SLC2A9: variants seen among roughly 807,000 people sequenced by gnomAD.
SLC2A9 encodes the protein solute carrier family 2, facilitated glucose transporter member 9.
In SLC2A9, 39 loss-of-function variants were observed where a neutral mutation model predicts 50.6. The ratio of observed to expected loss-of-function variants is 0.77; its 90% CI spans 0.60 to 1.01. SLC2A9 has a LOEUF of 1.01. Ranked by LOEUF, SLC2A9 falls within the 50% of genes least tolerant of loss-of-function variation. The probability of loss-of-function intolerance (pLI) is 0.00; values close to 1 mark genes in which losing one functional copy is unlikely to be tolerated. For missense variants in SLC2A9, 686 were observed against 677.6 expected (o/e 1.01, Z -0.14); for synonymous variants, 324 against 276.9 (o/e 1.17, Z -1.69).
At chr4:9,787,957 T>C (rs1719439753) in intron 3 of SLC2A9, among the ~76,000 whole-genome samples, 1 of 152,254 alleles carries the variant, frequency 6.6e-6, no homozygotes, top group Non-Finnish European at 1.5e-5. Context: ...GTATTTCCTT[T>C]GGAGAAATAC....
At chr4:9,879,248 G>C (rs1308837179) in intron 10 of SLC2A9, 1 of 985,300 alleles carries the variant, frequency 1.0e-6, no homozygotes, top group African/African-American at 1.7e-5. Context: ...TCAAGATGCA[G>C]TATGAGCTGA....
At chr4:9,927,919 G>A (rs997860637) in intron 6 of SLC2A9, among the ~76,000 whole-genome samples, 1 of 152,160 alleles carries the variant, frequency 6.6e-6, no homozygotes, top group African/African-American at 2.4e-5. Context: ...ATTTGGAAAT[G>A]GTAGTATTTG....
chr4:9,828,866 C>G (rs1313495503), intron 11 of SLC2A9, among the ~76,000 whole-genome samples: 1 of 152,196 alleles, frequency 6.6e-6, no homozygotes, highest in Admixed American at 6.5e-5. Context: ...CAGGAGTCAT[C>G]ATTTTTCTTG....
intron 2 of SLC2A9, among the ~76,000 whole-genome samples, chr4:10,016,582 G>C (rs928153725): frequency 1.1e-4 from 12 of 112,680 alleles, no homozygotes; most frequent in African/African-American, 3.1e-4. Context: ...TTCCCGAAAC[G>C]GAGGGAGGGC....
intron 2 of SLC2A9, among the ~76,000 whole-genome samples, chr4:10,002,003 A>T (rs1410612423): frequency 3.3e-5 from 5 of 152,226 alleles, no homozygotes; most frequent in Non-Finnish European, 7.3e-5. Flanking sequence ...TCAAGGTGTT[A>T]CTGGGGCTAA....
chr4:9,974,985 A>T (rs1578149538), intron 5 of SLC2A9, among the ~76,000 whole-genome samples: 1 of 152,362 alleles, frequency 6.6e-6, no homozygotes, highest in East Asian at 1.9e-4. Flanking sequence ...GACAAAGTTG[A>T]CAGAAATAAG....
At chr4:9,848,905 T>C (rs1729431083) in intron 10 of SLC2A9, among the ~76,000 whole-genome samples, 1 of 152,124 alleles carries the variant, frequency 6.6e-6, no homozygotes, top group African/African-American at 2.4e-5. Flanking sequence ...GGTTTCTGCA[T>C]GTTGGTCAGG....
chr4:9,836,234 G>T (rs12643735), intron 10 of SLC2A9, among the ~76,000 whole-genome samples: 1 of 151,052 alleles, frequency 6.6e-6, no homozygotes, highest in Non-Finnish European at 1.5e-5. Flanking sequence ...TCAAAATCTC[G>T]GAAATCACCA....
intron 8 of SLC2A9, among the ~76,000 whole-genome samples, chr4:9,907,371 C>A (rs1360365315): frequency 2.0e-5 from 3 of 152,220 alleles, no homozygotes; most frequent in East Asian, 3.8e-4. Context: ...ATTCCAAGAT[C>A]TGGAAATTTC....
At chr4:9,930,779 C>G (rs1745757581) in intron 6 of SLC2A9, among the ~76,000 whole-genome samples, 1 of 152,194 alleles carries the variant, frequency 6.6e-6, no homozygotes, top group Non-Finnish European at 1.5e-5. Context: ...GAAGAACTGC[C>G]TGATGGATGT....
intron 9 of SLC2A9, among the ~76,000 whole-genome samples, chr4:9,888,272 CAT>C (rs35108442): frequency 0.43 from 63,650 of 146,556 alleles, 15,472 homozygotes; most frequent in African/African-American, 0.66. Flanking sequence ...TATATATATA[CAT>C]ATATATATAT....
chr4:9,888,659 G>A (rs943093555), intron 9 of SLC2A9, among the ~76,000 whole-genome samples: 1 of 152,112 alleles, frequency 6.6e-6, no homozygotes, highest in Non-Finnish European at 1.5e-5. Flanking sequence ...AGTCAGCCCA[G>A]TGGGAAAGGA....
chr4:9,834,732 G>T (rs1726736969), intron 11 of SLC2A9, 149 bp downstream of exon 11: 8 of 1,271,578 alleles, frequency 6.3e-6, no homozygotes, highest in Non-Finnish European at 8.9e-6. Flanking sequence ...GAAAGGTTTT[G>T]CCCAAAGCAT....
chr4:9,819,899 A>T (rs1724169908), intron 3 of SLC2A9, among the ~76,000 whole-genome samples: 1 of 152,174 alleles, frequency 6.6e-6, no homozygotes, highest in African/African-American at 2.4e-5. Context: ...ACACCACTGC[A>T]CTCCAGCCTG....
chr4:9,922,293 G>A (rs1194427704), intron 6 of SLC2A9, among the ~76,000 whole-genome samples: 13 of 148,648 alleles, frequency 8.7e-5, no homozygotes. Context: ...ACAGGGAGGG[G>A]AACAACACAC....
intron 5 of SLC2A9, among the ~76,000 whole-genome samples, chr4:9,948,771 A>T (rs1749669437): frequency 6.6e-6 from 1 of 152,140 alleles, no homozygotes; most frequent in Non-Finnish European, 1.5e-5. Flanking sequence ...TCCTGGTCCC[A>T]TCTCTTCCCC....
chr4:9,890,340 G>A (rs1384874701), intron 9 of SLC2A9, among the ~76,000 whole-genome samples: 1 of 152,154 alleles, frequency 6.6e-6, no homozygotes, highest in Non-Finnish European at 1.5e-5. Context: ...GCTCAGAGAT[G>A]GAAAGTGTCT....
chr4:9,945,360 G>A lies in SLC2A9; in HGVS notation c.682-3315C>T, dbSNP rs561695553. Among the ~76,000 whole-genome samples, 6 of 152,376 alleles carry A rather than the reference G, an allele frequency of 3.9e-5. No homozygotes were observed. In the South Asian group the frequency reaches 6.2e-4, roughly 16 times the overall value. On this transcript the variant is annotated intron_variant, in intron 5 of 11. Coordinates refer to ENST00000264784, the MANE Select transcript of SLC2A9 (RefSeq NM_020041.3). The stretch of plus-strand genomic sequence containing the variant: ...TTTAGTCCATGAATGGATGTCGGGA[G>A]TGCTGAGCACAGGCCTGCACACACT...
At chr4:9,907,782 G>A (rs1413711737) in intron 8 of SLC2A9, among the ~76,000 whole-genome samples, 2 of 152,192 alleles carry the variant, frequency 1.3e-5, no homozygotes, top group Non-Finnish European at 2.9e-5. Context: ...AATCTAGGAA[G>A]GAAATATTCT....
Sources: allele counts gnomAD v4.1 joint callset (sites outside exome capture counted in the v4.1 genomes callset), GRCh38; gene constraint gnomAD v4.1.1; transcripts MANE v1.5; gene names NCBI Gene and HGNC (gene_info 2026-07-23, HGNC 2026-07-21).